CLDN10: variants seen among roughly 807,000 people sequenced by gnomAD.
CLDN10 encodes the protein claudin-10.
CLDN10 carries 15 observed loss-of-function variants against 22.9 expected under a neutral mutation model. That is an observed-to-expected ratio of 0.65 (90% CI 0.44 to 1.01). The LOEUF is 1.01. CLDN10 is among the 50% of genes least tolerant of loss of function. The pLI is 0.00. For synonymous variants in CLDN10, 114 were observed against 111.4 expected (o/e 1.02, Z -0.15); for missense variants, 247 against 287.8 (o/e 0.86, Z 1.03).
chr13:95,486,721 A>T (rs1209055860), intron 1 of CLDN10, among the ~76,000 whole-genome samples: 6 of 151,650 alleles, frequency 4.0e-5, no homozygotes, highest in Non-Finnish European at 8.8e-5. Context: ...ATTCCTAAAG[A>T]TTTTTCTTTT....
At chr13:95,519,414 G>A (rs1161844679) in intron 1 of CLDN10, among the ~76,000 whole-genome samples, 1 of 152,122 alleles carries the variant, frequency 6.6e-6, no homozygotes, top group African/African-American at 2.4e-5. Context: ...ACAAATCTGA[G>A]GTCTGTTCAT....
intron 4 of CLDN10, 35 bp from the exon 5 acceptor site, chr13:95,577,865 G>C: frequency 6.9e-7 from 1 of 1,439,502 alleles, no homozygotes; most frequent in Non-Finnish European, 9.7e-7. Flanking sequence ...CCTATGTGTA[G>C]AATAGAATCT....
rs956225651 is a variant in CLDN10 at position 95,578,315 on chromosome 13, T to C, written c.*301T>C. The C allele has an allele frequency of 5.1e-6, 1 of 194,980 alleles. No individual in the cohort carries two copies. The highest frequency in any genetic ancestry group is 1.0e-5 in the Non-Finnish European group (1 of 95,630). 12.1% of individuals were successfully genotyped at this position (194,980 alleles called of 1,614,324 possible). ...AAAGGTTCAAGAAGTATTCGTACTC[T>C]AGCCTTTTTAATCATTCATAGATAG... On this transcript the variant is annotated 3_prime_UTR_variant, in exon 5 of 5. Coordinates refer to ENST00000299339, the MANE Select transcript of CLDN10 (RefSeq NM_006984.5).
Position 95,560,407 on chromosome 13 carries a change from C to T in CLDN10, c.408C>T (p.Ser136=), listed in dbSNP as rs1220501131. Residue 136 remains serine, a synonymous_variant, in exon 3 of 5, where the codon TCC becomes TCT. Transcript: ENST00000299339. ...GGCTGTGCTCAATGACTGGATGTTCCCTATATGCAAACAAAATCACAACGG... is the reference window on the plus strand; with the variant it reads ...GGCTGTGCTCAATGACTGGATGTTCTCTATATGCAAACAAAATCACAACGG... ...LSGLCSMTGC[S]LYANKITTEF... is the part of the protein sequence containing the mutation. 6.2e-7 allele frequency: 1 copy of T among 1,614,018 alleles called. No individual in the cohort carries two copies. The highest frequency in any genetic ancestry group is 1.7e-5 in the Admixed American group (1 of 60,020).
At chr13:95,517,250 AT>A (rs1347691054) in intron 1 of CLDN10, among the ~76,000 whole-genome samples, 1 of 150,672 alleles carries the variant, frequency 6.6e-6, no homozygotes, top group Non-Finnish European at 1.5e-5. Context: ...TTCCATGGCC[AT>A]TTACTGAGCC....
chr13:95,570,858 G>GTGTGTA (rs60359070), intron 3 of CLDN10, among the ~76,000 whole-genome samples: 6 of 119,722 alleles, frequency 5.0e-5, no homozygotes, highest in African/African-American at 2.0e-4. Flanking sequence ...ATATACGTGT[G>GTGTGTA]TATATATATA....
chr13:95,461,194 C>T (rs2042533675), intron 1 of CLDN10, among the ~76,000 whole-genome samples: 1 of 152,212 alleles, frequency 6.6e-6, no homozygotes, highest in African/African-American at 2.4e-5. Flanking sequence ...AATCCTCCCA[C>T]CTCAGCCTCC....
At chr13:95,551,080 C>T (rs2043560107), upstream of CLDN10, among the ~76,000 whole-genome samples, 1 of 152,044 alleles carries the variant, frequency 6.6e-6, no homozygotes, top group Non-Finnish European at 1.5e-5. Context: ...GTAACCATGT[C>T]TGCATTGTCA....
At chr13:95,459,881 A>T (rs1566281246) in intron 1 of CLDN10, among the ~76,000 whole-genome samples, 1 of 152,222 alleles carries the variant, frequency 6.6e-6, no homozygotes, top group African/African-American at 2.4e-5. Flanking sequence ...CCATTTAAAT[A>T]TAAGTTACAA....
intron 3 of CLDN10, among the ~76,000 whole-genome samples, chr13:95,572,128 C>T (rs891994322): frequency 1.3e-5 from 2 of 152,098 alleles, no homozygotes; most frequent in Non-Finnish European, 2.9e-5. Context: ...GGTATCCTCA[C>T]CTCTTTTTGT....
chr13:95,522,029 C>T (rs1467503320), intron 1 of CLDN10, among the ~76,000 whole-genome samples: 1 of 151,792 alleles, frequency 6.6e-6, no homozygotes, highest in Non-Finnish European at 1.5e-5. Context: ...TTTCATGATA[C>T]CATTTGTTTG....
chr13:95,578,118 TA>T lies in CLDN10; in HGVS notation c.*108del. The T allele has an allele frequency of 1.6e-6, 1 of 620,268 alleles. No homozygotes were observed. Among genetic ancestry groups the T allele is most frequent in the Admixed American group, 3.0e-5 (1 of 33,238 alleles). The allele number at this position is 620,268 out of a possible 1,614,324, so 38.4% of individuals were successfully genotyped here. A position where few individuals can be genotyped will look rare whatever the true frequency, so the allele number is the denominator to read the frequency against. On this transcript the variant is annotated 3_prime_UTR_variant, in exon 5 of 5. Transcript: ENST00000299339. ...CATAATTAACACTCAAAACTATTTTTAAAATATGCATTTGAAGCATCTGTTG... is the reference window on the plus strand; with the variant it reads ...CATAATTAACACTCAAAACTATTTTTAAATATGCATTTGAAGCATCTGTTG...
intron 1 of CLDN10, among the ~76,000 whole-genome samples, chr13:95,503,096 T>G (rs141180320): frequency 6.6e-6 from 1 of 152,182 alleles, no homozygotes; most frequent in Admixed American, 6.5e-5. Context: ...GAGAAATGGA[T>G]TCACAGATGG....
rs1038672048 is a variant in CLDN10, at chr13:95,526,680, C to T, written c.215-33452C>T. ...GTGGGCACCTGGAATCACAGCTACT[C>T]GGGAGGCTGAGGCAGGAGAATCACT... On this transcript the variant is annotated intron_variant, in intron 1 of 4. Coordinates refer to the CLDN10 transcript ENST00000376873. Among the ~76,000 whole-genome samples, 18 of 151,872 alleles carry T rather than the reference C, an allele frequency of 1.2e-4. 1 individual carries two copies. The highest frequency in any genetic ancestry group is 4.1e-4 in the African/African-American group (17 of 41,332).
At chr13:95,523,247 T>C (rs935876401) in intron 1 of CLDN10, among the ~76,000 whole-genome samples, 1 of 152,156 alleles carries the variant, frequency 6.6e-6, no homozygotes, top group East Asian at 1.9e-4. Flanking sequence ...ACTGACTTAT[T>C]GATTCTAATG....
At chr13:95,505,331 A>G (rs1447837638) in intron 1 of CLDN10, among the ~76,000 whole-genome samples, 2 of 152,188 alleles carry the variant, frequency 1.3e-5, no homozygotes, top group Non-Finnish European at 2.9e-5. Flanking sequence ...AAAGGCAGGT[A>G]TTGTTGCAGC....
intron 1 of CLDN10, among the ~76,000 whole-genome samples, chr13:95,444,889 G>T (rs1296867438): frequency 6.6e-6 from 1 of 152,126 alleles, no homozygotes; most frequent in African/African-American, 2.4e-5. Context: ...GCTCCTCCAG[G>T]GTTCAAGTGA....
At chr13:95,523,366 T>C (rs1028016232) in intron 1 of CLDN10, among the ~76,000 whole-genome samples, 3 of 152,228 alleles carry the variant, frequency 2.0e-5, no homozygotes, top group Admixed American at 1.3e-4. Context: ...TTTAATTCTA[T>C]ATGTATTTTA....
intron 1 of CLDN10, among the ~76,000 whole-genome samples, chr13:95,476,441 G>A (rs1415854957): frequency 6.6e-6 from 1 of 152,158 alleles, no homozygotes; most frequent in East Asian, 1.9e-4. Flanking sequence ...GCTCTCCGGA[G>A]CCTTCTGTAT....
Sources: gnomAD v4.1 joint callset for allele counts (sites outside exome capture counted in the v4.1 genomes callset) on GRCh38, gnomAD v4.1.1 for gene constraint, MANE v1.5 for transcripts, NCBI Gene and HGNC (gene_info 2026-07-23, HGNC 2026-07-21) for gene names.